The following PCDHGA11 variants were observed in gnomAD, a reference collection of about 807,000 sequenced individuals.
PCDHGA11 encodes protocadherin gamma-A11.
A neutral mutation model predicts 60.4 loss-of-function variants in PCDHGA11; 39 were observed. The ratio of observed to expected loss-of-function variants is 0.65; its 90% confidence interval spans 0.50 to 0.84. PCDHGA11 has a LOEUF of 0.84. Among genes scored for constraint, PCDHGA11 ranks in the 40% least tolerant of loss-of-function variants. The pLI is 0.00. For missense variants in PCDHGA11, 1,165 were observed against 1,197.7 expected, an observed-to-expected ratio of 0.97 and a Z score of 0.40; for synonymous variants, 533 against 510.3, an observed-to-expected ratio of 1.04 and a Z score of -0.60.
Position 141,511,656 on chromosome 5 carries a change from C to T in PCDHGA11, c.*483C>T, listed in dbSNP as rs2099883892. On this transcript the variant is annotated 3_prime_UTR_variant, in exon 4 of 4. Transcript: ENST00000398587. ...GGGCATCATGACCTCTTGGCCTCTC[C>T]TTTGATTCTCAATCTTCCCCCAAAG... is the stretch of plus-strand genomic sequence containing the variant. 4.9e-6 allele frequency: 1 copy of T among 206,024 alleles called. No individual in the cohort carries two copies. The highest frequency in any genetic ancestry group is 5.2e-5 in the Admixed American group (1 of 19,114). 12.8% of individuals were successfully genotyped at this position (206,024 alleles called of 1,614,324 possible).
At chr5:141,464,480 A>T (rs1013894368) in intron 1 of PCDHGA11, among the ~76,000 whole-genome samples, 4 of 151,864 alleles carry the variant, frequency 2.6e-5, no homozygotes, top group African/African-American at 7.3e-5. Flanking sequence ...CGTATAATAA[A>T]TTCCTAATAG....
chr5:141,465,606 T>C (rs192541390), intron 1 of PCDHGA11, among the ~76,000 whole-genome samples: 22 of 152,338 alleles, frequency 1.4e-4, no homozygotes, highest in African/African-American at 5.3e-4. Context: ...TATCACTCTT[T>C]GGCCCTCCAG....
chr5:141,492,274 A>C (rs2099739010), intron 1 of PCDHGA11, among the ~76,000 whole-genome samples: 1 of 152,024 alleles, frequency 6.6e-6, no homozygotes, highest in Non-Finnish European at 1.5e-5. Flanking sequence ...CGGGCTCGCC[A>C]CGCCCCGCCA....
At chr5:141,495,071 C>A (rs1391869079) in intron 2 of PCDHGA11, among the ~76,000 whole-genome samples, 1 of 152,160 alleles carries the variant, frequency 6.6e-6, no homozygotes, top group Non-Finnish European at 1.5e-5. Flanking sequence ...AAGCTCAATT[C>A]ACATGCTTGC....
At chr5:141,465,337 G>GCC (rs2099101328) in intron 1 of PCDHGA11, among the ~76,000 whole-genome samples, 6 of 151,962 alleles carry the variant, frequency 3.9e-5, no homozygotes, top group Admixed American at 2.6e-4. Flanking sequence ...TTTTTATATT[G>GCC]GTTACTGAAG....
At chr5:141,455,128 T>C (rs2098813900) in intron 1 of PCDHGA11, among the ~76,000 whole-genome samples, 2 of 151,962 alleles carry the variant, frequency 1.3e-5, no homozygotes, top group Admixed American at 6.6e-5. Context: ...ATGTTTTAAA[T>C]TACACTGTGT....
rs773410079 is a variant in PCDHGA11, at chr5:141,421,239, G to T, written c.12G>T (p.Arg4=). 5 of 1,599,000 alleles carry T rather than the reference G, an allele frequency of 3.1e-6. No homozygotes were observed. The highest frequency in any genetic ancestry group is 3.3e-4 in the Middle Eastern group (2 of 5,976). The part of the protein sequence containing the change: MAN[R]LQRGDRSRLL... Reference sequence around the variant, plus strand: ...GCTTAGAGCCTGCCATGGCGAATCGGCTACAGCGCGGGGACCGCAGTCGGC... The same window carrying T: ...GCTTAGAGCCTGCCATGGCGAATCGTCTACAGCGCGGGGACCGCAGTCGGC... The change falls in exon 1 of 4, where the codon CGG becomes CGT. Residue 4 remains arginine (R), a synonymous_variant. Transcript: ENST00000398587.
intron 1 of PCDHGA11, among the ~76,000 whole-genome samples, chr5:141,463,545 T>C (rs1433047951): frequency 6.8e-6 from 1 of 146,704 alleles, no homozygotes; most frequent in East Asian, 2.1e-4. Flanking sequence ...GGCTCCCGGG[T>C]TCATGCCATT....
chr5:141,491,322 C>T lies in PCDHGA11; in HGVS notation c.2434-3485C>T. 6.2e-7 allele frequency: 1 copy of T among 1,614,156 alleles called. No individual in the cohort carries two copies. Among genetic ancestry groups the T allele is most frequent in the East Asian group, 2.2e-5 (1 of 44,860 alleles). On this transcript the variant is annotated intron_variant, in intron 1 of 3. Coordinates refer to ENST00000398587, the MANE Select transcript of PCDHGA11 (RefSeq NM_018914.3). This position sits in a 1 kb window ranked among gnomAD's most constrained non-coding sequence, Gnocchi z 6.9. ...AGCGTTCAGACCTTACCCTTTACCT[C>T]ATTGTGGCTCTAGCGACCGTCAGTC...
chr5:141,430,639 A>T, intron 1 of PCDHGA11: 1 of 900,712 alleles, frequency 1.1e-6, no homozygotes. Flanking sequence ...CATCCCTGGG[A>T]GTATGTGGAA....
At chr5:141,502,782 T>C (rs1200280465) in intron 2 of PCDHGA11, among the ~76,000 whole-genome samples, 1 of 152,132 alleles carries the variant, frequency 6.6e-6, no homozygotes, top group African/African-American at 2.4e-5. Context: ...GAAAATTACC[T>C]GGATGATTTC....
chr5:141,462,198 G>C (rs2099034283), intron 1 of PCDHGA11, among the ~76,000 whole-genome samples: 1 of 152,182 alleles, frequency 6.6e-6, no homozygotes, highest in Non-Finnish European at 1.5e-5. Context: ...GACCTCAGGT[G>C]ATCCGCCTGC....
At chr5:141,499,184 A>G (rs2099789986) in intron 2 of PCDHGA11, among the ~76,000 whole-genome samples, 1 of 151,726 alleles carries the variant, frequency 6.6e-6, no homozygotes, top group African/African-American at 2.4e-5. Context: ...CCAGCAAACC[A>G]TTTCCCCCTT....
intron 1 of PCDHGA11, chr5:141,427,070 G>A (rs929936578): frequency 3.1e-5 from 14 of 457,822 alleles, no homozygotes; most frequent in Non-Finnish European, 6.2e-5. Context: ...TACTAAAGGT[G>A]ACAGCCACTG....
chr5:141,431,901 A>G lies in PCDHGA11; in HGVS notation c.2433+8241A>G, dbSNP rs1373642371. 5.0e-6 allele frequency: 8 copies of G among 1,613,872 alleles called. No homozygotes were observed. The highest frequency in any genetic ancestry group is 1.6e-4 in the Middle Eastern group (1 of 6,062). On this transcript the variant is annotated intron_variant, in intron 1 of 3. Coordinates refer to ENST00000398587, the MANE Select transcript of PCDHGA11 (RefSeq NM_018914.3). This position sits in a 1 kb window ranked among gnomAD's most constrained non-coding sequence, Gnocchi z 4.8. Reference sequence around the variant, plus strand: ...GACCAAGATTCTGAGGAAAACGGACAGGTGATCTGTTTCATCCAAGGAAAT... The same window carrying G: ...GACCAAGATTCTGAGGAAAACGGACGGGTGATCTGTTTCATCCAAGGAAAT...
intron 3 of PCDHGA11, among the ~76,000 whole-genome samples, chr5:141,510,208 G>A (rs560746333): frequency 2.0e-5 from 3 of 151,866 alleles, no homozygotes; most frequent in Admixed American, 1.3e-4. Context: ...AGGAGGCAGA[G>A]GTTGCAGTGA....
In PCDHGA11 at chr5:141,422,357, C is replaced by T; in HGVS notation, c.1130C>T (p.Ser377Phe). 6.4e-7 allele frequency: 1 copy of T among 1,557,656 alleles called. No homozygotes were observed. Among genetic ancestry groups the T allele is most frequent in the South Asian group, 1.3e-5 (1 of 79,578 alleles). The change falls in exon 1 of 4, where the codon TCT becomes TTT. Residue 377 changes from serine (S) to phenylalanine (F), a missense_variant. By Grantham distance (155) the Ser-to-Phe change is radical. Coordinates refer to ENST00000398587, the MANE Select transcript of PCDHGA11 (RefSeq NM_018914.3). Reference protein sequence around the residue: ...IALLNVQDQDSGENGQVSCFI... With the variant: ...IALLNVQDQDFGENGQVSCFI... ...CTTCTAAATGTGCAAGATCAAGATT[C>T]TGGAGAAAATGGTCAAGTCTCCTGT... is the stretch of plus-strand genomic sequence containing the variant.
Position 141,477,311 on chromosome 5 carries a change from C to G in PCDHGA11, c.2434-17496C>G. 6.2e-7 allele frequency: 1 copy of G among 1,614,186 alleles called. No individual in the cohort carries two copies. The highest frequency in any genetic ancestry group is 8.5e-7 in the Non-Finnish European group (1 of 1,180,032). ...AGTTCCACCGGGTCTCCCTTTCAGC[C>G]TTACTTCTTCCCTCAAGAATTACTT... On this transcript the variant is annotated intron_variant, in intron 1 of 3. Coordinates refer to ENST00000398587, the MANE Select transcript of PCDHGA11 (RefSeq NM_018914.3). The surrounding 1 kb of genome is among the most constrained non-coding windows in gnomAD (Gnocchi z 4.9).
At chr5:141,463,301 A>G (rs1277348576) in intron 1 of PCDHGA11, among the ~76,000 whole-genome samples, 2 of 151,638 alleles carry the variant, frequency 1.3e-5, no homozygotes, top group South Asian at 2.1e-4. Flanking sequence ...AATCTCCCCA[A>G]ACTCTAATAT....
Sources: allele counts gnomAD v4.1 joint callset (sites outside exome capture counted in the v4.1 genomes callset), GRCh38; gene constraint gnomAD v4.1.1; non-coding constraint Gnocchi (gnomAD v3.1); transcripts MANE v1.5; gene names NCBI Gene and HGNC (gene_info 2026-07-23, HGNC 2026-07-21).